The following FAM171A1 variants were observed in gnomAD, a reference collection of about 807,000 sequenced individuals.
FAM171A1 encodes protein FAM171A1.
FAM171A1 carries 23 observed loss-of-function variants against 74.9 expected under a neutral mutation model. That is an observed-to-expected ratio of 0.31 (90% CI 0.22 to 0.44). FAM171A1 has a LOEUF of 0.44. Ranked by LOEUF, FAM171A1 falls within the 20% of genes least tolerant of loss-of-function variation. The probability of loss-of-function intolerance (pLI) is 1.00; values close to 1 mark genes in which losing one functional copy is unlikely to be tolerated. For synonymous variants in FAM171A1, 527 were observed against 505.7 expected, an observed-to-expected ratio of 1.04 and a Z score of -0.57; for missense variants, 1,162 against 1,159.2, an observed-to-expected ratio of 1.00 and a Z score of -0.03.
intron 1 of FAM171A1, among the ~76,000 whole-genome samples, chr10:15,356,968 C>CA (rs1297984076): frequency 6.6e-6 from 1 of 150,782 alleles, no homozygotes; most frequent in Non-Finnish European, 1.5e-5. Context: ...GAGGCTGTCT[C>CA]AAAAAACAAA....
intron 3 of FAM171A1, among the ~76,000 whole-genome samples, chr10:15,273,170 G>A (rs1315803651): frequency 6.6e-6 from 1 of 152,000 alleles, no homozygotes; most frequent in African/African-American, 2.4e-5. Context: ...AGAAAAGAGA[G>A]AAGAATCAAA....
chr10:15,232,163 C>T (rs950937685), intron 5 of FAM171A1, among the ~76,000 whole-genome samples: 7 of 152,146 alleles, frequency 4.6e-5, no homozygotes, highest in African/African-American at 1.2e-4. Flanking sequence ...GGATGTGTTG[C>T]TTAGTGACCT....
At chr10:15,281,190 G>A (rs1834966337) in intron 2 of FAM171A1, among the ~76,000 whole-genome samples, 1 of 152,062 alleles carries the variant, frequency 6.6e-6, no homozygotes, top group Non-Finnish European at 1.5e-5. Flanking sequence ...TGCCATGATC[G>A]GAAGCTTCCT....
Position 15,254,874 on chromosome 10 carries a change from G to A in FAM171A1, c.424C>T (p.Arg142Trp), listed in dbSNP as rs747672439. 3.1e-5 allele frequency: 50 copies of A among 1,613,294 alleles called. No homozygotes were observed. Among genetic ancestry groups the A allele is most frequent in the East Asian group, 1.3e-4 (6 of 44,880 alleles). The change falls in exon 4 of 8, where the codon CGG (arginine) becomes TGG (tryptophan). Residue 142 changes from arginine (R) to tryptophan (W), a missense_variant. Physicochemically the swap from Arg to Trp is moderately radical, Grantham distance 101 (BLOSUM62 -3). Coordinates refer to ENST00000378116, the MANE Select transcript of FAM171A1 (RefSeq NM_001010924.2). ...TGGAAATGAACGCGAGGCTGTGGCCGGGCACCTGCAGAGATTAACCTCCGA... is the reference window on the plus strand; with the variant it reads ...TGGAAATGAACGCGAGGCTGTGGCCAGGCACCTGCAGAGATTAACCTCCGA... ...VQIVSGFQGARPQPRVHFQRR... is the reference protein window; with the variant it reads ...VQIVSGFQGAWPQPRVHFQRR...
intron 5 of FAM171A1, among the ~76,000 whole-genome samples, chr10:15,236,692 A>C (rs1834295445): frequency 6.6e-6 from 1 of 152,248 alleles, no homozygotes; most frequent in Non-Finnish European, 1.5e-5. Flanking sequence ...AACTGAAACC[A>C]GGTGATACTT....
Position 15,284,043 on chromosome 10 carries a change from T to C in FAM171A1, c.160A>G (p.Ile54Val), listed in dbSNP as rs768582895. 6.2e-6 allele frequency: 10 copies of C among 1,614,090 alleles called. No individual in the cohort carries two copies. In the East Asian group the frequency reaches 1.8e-4, roughly 29 times the overall value. ...STHQPVADALIEIFTNQASIA... is the reference protein window; with the variant it reads ...STHQPVADALVEIFTNQASIA... ...GAGGCCTGGTTGGTGAAGATCTCGA[T>C]GAGCGCATCTGCTACGGGCTGGTGG... is the stretch of plus-strand genomic sequence containing the variant. The change falls in exon 2 of 8, where the codon ATC becomes GTC. Residue 54 changes from isoleucine to valine, a missense_variant. Physicochemically the swap from Ile to Val is conservative, Grantham distance 29. Coordinates refer to ENST00000378116, the MANE Select transcript of FAM171A1 (RefSeq NM_001010924.2).
rs1242829825 is a variant in FAM171A1, at chr10:15,371,023, G to A, written c.30C>T (p.Cys10=). The A allele has an allele frequency of 1.7e-6, 2 of 1,183,226 alleles. No individual in the cohort carries two copies. Among genetic ancestry groups the A allele is most frequent in the Admixed American group, 3.0e-5 (1 of 33,514 alleles). The allele number at this position is 1,183,226 out of a possible 1,614,324, so 73.3% of individuals were successfully genotyped here. A position where few individuals can be genotyped will look rare whatever the true frequency, so the allele number is the denominator to read the frequency against. The part of the protein sequence containing the change: MSRSATLLL[C]LLGCHVWKAV... ...CCTTCCAGACGTGGCAGCCCAGCAG[G>A]CACAGCAGCAGCGTCGCGGACCTGC... The change falls in exon 1 of 8, where the codon TGC becomes TGT. Residue 10 remains cysteine (C), a synonymous_variant. Transcript: ENST00000378116.
At chr10:15,281,270 T>C (rs984477189) in intron 2 of FAM171A1, among the ~76,000 whole-genome samples, 2 of 152,252 alleles carry the variant, frequency 1.3e-5, no homozygotes, top group African/African-American at 2.4e-5. Flanking sequence ...CAGTTACACT[T>C]CTTTTCTTTA....
chr10:15,357,000 C>A (rs1835940258), intron 1 of FAM171A1, among the ~76,000 whole-genome samples: 2 of 151,838 alleles, frequency 1.3e-5, no homozygotes, highest in Admixed American at 1.3e-4. Context: ...AAAAAAAGGC[C>A]GGGCACAGTG....
intron 6 of FAM171A1, 88 bp downstream of exon 6, chr10:15,220,856 G>T: frequency 1.1e-6 from 1 of 924,306 alleles, no homozygotes; most frequent in Non-Finnish European, 1.7e-6. Flanking sequence ...TCGCCCTGCT[G>T]AAGTTATTTT....
intron 5 of FAM171A1, among the ~76,000 whole-genome samples, chr10:15,234,265 G>A (rs911790656): frequency 2.6e-5 from 4 of 152,108 alleles, no homozygotes; most frequent in Non-Finnish European, 5.9e-5. Flanking sequence ...ACAAACTTAC[G>A]AAAGAAACAA....
intron 1 of FAM171A1, among the ~76,000 whole-genome samples, chr10:15,355,782 ATCACC>A (rs1161730448): frequency 6.6e-6 from 1 of 152,076 alleles, no homozygotes; most frequent in Non-Finnish European, 1.5e-5. Context: ...ACAGTCCCAT[ATCACC>A]TCCAGTTCCA....
intron 5 of FAM171A1, among the ~76,000 whole-genome samples, chr10:15,224,657 G>C (rs1834082061): frequency 6.6e-6 from 1 of 152,102 alleles, no homozygotes; most frequent in African/African-American, 2.4e-5. Context: ...TTATAAGGGG[G>C]AGTTTCCCTT....
intron 3 of FAM171A1, among the ~76,000 whole-genome samples, chr10:15,272,233 G>A (rs1834835695): frequency 1.3e-5 from 2 of 151,992 alleles, no homozygotes. Context: ...AAAAAGCAGG[G>A]GTTGCAATCC....
At chr10:15,262,791 G>A (rs1446163695) in intron 3 of FAM171A1, among the ~76,000 whole-genome samples, 2 of 152,070 alleles carry the variant, frequency 1.3e-5, no homozygotes, top group Non-Finnish European at 2.9e-5. Context: ...AGGGAGGTGT[G>A]AGAGGAGGTG....
intron 1 of FAM171A1, among the ~76,000 whole-genome samples, chr10:15,370,713 C>A (rs1397951735): frequency 6.6e-5 from 10 of 150,544 alleles, no homozygotes; most frequent in Admixed American, 5.9e-4. Flanking sequence ...CCCGCGCCCC[C>A]GCCCGACCCA....
chr10:15,286,095 T>C (rs553203763), intron 1 of FAM171A1, among the ~76,000 whole-genome samples: 3 of 152,346 alleles, frequency 2.0e-5, no homozygotes, highest in African/African-American at 7.2e-5. Context: ...TTTAGTGTAA[T>C]GCCTGGTGCA....
At chr10:15,342,177 A>G (rs1053361130) in intron 1 of FAM171A1, among the ~76,000 whole-genome samples, 1 of 152,160 alleles carries the variant, frequency 6.6e-6, no homozygotes, top group African/African-American at 2.4e-5. Flanking sequence ...CTCAACTTTT[A>G]TCAACAGGAC....
intron 2 of FAM171A1, among the ~76,000 whole-genome samples, chr10:15,280,599 C>A (rs1339469223): frequency 2.0e-5 from 3 of 152,150 alleles, no homozygotes; most frequent in Non-Finnish European, 2.9e-5. Flanking sequence ...AAAAAAACCT[C>A]AACACATCCT....
Sources: gnomAD v4.1 joint callset for allele counts (sites outside exome capture counted in the v4.1 genomes callset) on GRCh38, gnomAD v4.1.1 for gene constraint, MANE v1.5 for transcripts, NCBI Gene and HGNC (gene_info 2026-07-23, HGNC 2026-07-21) for gene names.